The following SORCS3 variants were observed in gnomAD, a reference collection of about 807,000 sequenced individuals.
The protein encoded by SORCS3 is sortilin related VPS10 domain containing receptor 3.
Under a neutral mutation model 146.3 loss-of-function variants are expected in SORCS3, and 57 were observed. That is an observed-to-expected ratio of 0.39 (90% CI 0.31 to 0.49). SORCS3 has a LOEUF of 0.49. Among genes scored for constraint, SORCS3 ranks in the 20% least tolerant of loss-of-function variants. SORCS3 has a pLI of 0.92. For missense variants in SORCS3, 1,341 were observed against 1,575.5 expected (o/e 0.85, Z 2.52); for synonymous variants, 653 against 618.5 (o/e 1.06, Z -0.83).
At chr10:104,961,089 G>A (rs1337337863) in intron 3 of SORCS3, among the ~76,000 whole-genome samples, 2 of 151,962 alleles carry the variant, frequency 1.3e-5, no homozygotes, top group African/African-American at 2.4e-5. Flanking sequence ...GGCATTTTTT[G>A]CTTTATCTTT....
At chr10:105,046,473 C>A (rs955986433) in intron 5 of SORCS3, among the ~76,000 whole-genome samples, 1 of 152,010 alleles carries the variant, frequency 6.6e-6, no homozygotes, top group Non-Finnish European at 1.5e-5. Context: ...TGATTTCTGA[C>A]GAGGACACAG....
chr10:104,917,966 T>C (rs2019049913), intron 3 of SORCS3, among the ~76,000 whole-genome samples: 1 of 152,254 alleles, frequency 6.6e-6, no homozygotes, highest in Non-Finnish European at 1.5e-5. Flanking sequence ...CTCTTGGACA[T>C]ACTGGTTTCA....
At chr10:105,156,141 A>G (rs1484699086) in intron 9 of SORCS3, among the ~76,000 whole-genome samples, 1 of 152,220 alleles carries the variant, frequency 6.6e-6, no homozygotes, top group African/African-American at 2.4e-5. Flanking sequence ...AAGATATCTG[A>G]GTATCACCCA....
chr10:105,082,305 G>A (rs2133734764), intron 5 of SORCS3, among the ~76,000 whole-genome samples: 1 of 152,168 alleles, frequency 6.6e-6, no homozygotes, highest in Admixed American at 6.5e-5. Flanking sequence ...CTAGTGCCTT[G>A]AAAAACACTA....
chr10:104,790,943 C>T (rs17117663), intron 1 of SORCS3, among the ~76,000 whole-genome samples: 1,781 of 152,320 alleles, frequency 0.012, 31 homozygotes, highest in African/African-American at 0.04. Flanking sequence ...TAAGATAACA[C>T]TCCTGCTTTG....
Position 104,977,421 on chromosome 10 carries a change from C to G in SORCS3, c.882C>G (p.Thr294=). The change falls in exon 4 of 27, where the codon ACC becomes ACG. Residue 294 remains threonine (T), a synonymous_variant. Transcript: ENST00000369701. ...CGACCTATCAGAAGTATCGGCTCAC[C>G]TTCTATATCCAGAGCCTGCTCTTTC... The part of the protein sequence containing the change: ...EGATYQKYRL[T]FYIQSLLFHP... The G allele has an allele frequency of 1.2e-6, 2 of 1,613,826 alleles. No homozygotes were observed. Among genetic ancestry groups the G allele is most frequent in the Non-Finnish European group, 1.7e-6 (2 of 1,179,900 alleles).
Position 105,133,684 on chromosome 10 carries a change from A to G in SORCS3, c.1213-5713A>G, listed in dbSNP as rs563924056. 6.6e-5 allele frequency among the ~76,000 whole-genome samples: 10 copies of G among 152,312 alleles called. No individual in the cohort carries two copies. In the South Asian group the frequency reaches 2.1e-3, roughly 32 times the overall value. ...AGACTAGATGCAGTGGCTCATATCT[A>G]CAATTCCAGCACTTTGGGAGGCTGA... On this transcript the variant is annotated intron_variant, in intron 7 of 26. Transcript: ENST00000369701.
chr10:104,910,605 T>C (rs2018956589), intron 2 of SORCS3, among the ~76,000 whole-genome samples: 1 of 152,232 alleles, frequency 6.6e-6, no homozygotes, highest in Admixed American at 6.5e-5. Flanking sequence ...AGAACACTTA[T>C]GTACATGTAG....
chr10:104,860,421 A>G (rs1804325403), intron 2 of SORCS3, among the ~76,000 whole-genome samples: 1 of 70,180 alleles, frequency 1.4e-5, no homozygotes, highest in Non-Finnish European at 2.8e-5. Context: ...GACTGTTGTG[A>G]GGTGGGGGGA....
chr10:105,001,808 GCACAATATGT>G (rs2055063435), intron 4 of SORCS3, among the ~76,000 whole-genome samples: 1 of 152,132 alleles, frequency 6.6e-6, no homozygotes. Flanking sequence ...AGCTCTTCAG[GCACAATATGT>G]CTTTCAATCC....
intron 2 of SORCS3, among the ~76,000 whole-genome samples, chr10:104,891,479 A>G (rs1602243): frequency 0.087 from 13,282 of 152,168 alleles, 774 homozygotes; most frequent in South Asian, 0.27. Context: ...CAGGGAGATC[A>G]CTGGGCTTCA....
At chr10:105,117,516 C>T (rs1372155876) in intron 7 of SORCS3, among the ~76,000 whole-genome samples, 2 of 152,156 alleles carry the variant, frequency 1.3e-5, no homozygotes, top group Admixed American at 6.5e-5. Context: ...TGATCACTCT[C>T]CTTTCCCCTG....
intron 4 of SORCS3, among the ~76,000 whole-genome samples, chr10:105,040,650 A>G (rs1405789442): frequency 6.6e-6 from 1 of 152,116 alleles, no homozygotes. Context: ...AAACAATTGA[A>G]TGGGTTTTGT....
At chr10:104,954,183 C>A (rs1056512852) in intron 3 of SORCS3, among the ~76,000 whole-genome samples, 1 of 152,168 alleles carries the variant, frequency 6.6e-6, no homozygotes, top group African/African-American at 2.4e-5. Flanking sequence ...AAGAGGGAAT[C>A]TCAAAAGGGA....
chr10:105,031,310 AC>A (rs2055265119), intron 4 of SORCS3, among the ~76,000 whole-genome samples: 1 of 140,130 alleles, frequency 7.1e-6, no homozygotes, highest in Non-Finnish European at 1.5e-5. Flanking sequence ...AAAAAAACAA[AC>A]AAACAACACA....
At chr10:104,722,629 G>T (rs1358285952) in intron 1 of SORCS3, among the ~76,000 whole-genome samples, 2 of 152,156 alleles carry the variant, frequency 1.3e-5, no homozygotes, top group African/African-American at 4.8e-5. Flanking sequence ...TGGTTGGTAA[G>T]CTATTAATTA....
At chr10:105,100,618 A>G (rs956712646) in intron 6 of SORCS3, among the ~76,000 whole-genome samples, 1 of 152,144 alleles carries the variant, frequency 6.6e-6, no homozygotes, top group Non-Finnish European at 1.5e-5. Flanking sequence ...TCCAGCCCAT[A>G]TACTTTCTTT....
At chr10:104,974,235 A>G (rs1406465274) in intron 3 of SORCS3, among the ~76,000 whole-genome samples, 2 of 152,082 alleles carry the variant, frequency 1.3e-5, no homozygotes, top group Non-Finnish European at 2.9e-5. Context: ...GCTGAGTTCA[A>G]TTCCTGGGTA....
At chr10:104,973,545 C>T (rs1483621626) in intron 3 of SORCS3, among the ~76,000 whole-genome samples, 4 of 149,884 alleles carry the variant, frequency 2.7e-5, no homozygotes, top group East Asian at 3.9e-4. Flanking sequence ...GGTGATATCC[C>T]CTTTATCATT....
Sources: allele counts gnomAD v4.1 joint callset (sites outside exome capture counted in the v4.1 genomes callset), GRCh38; gene constraint gnomAD v4.1.1; transcripts MANE v1.5; gene names NCBI Gene and HGNC (gene_info 2026-07-23, HGNC 2026-07-21).